AKAP14: variants seen among roughly 807,000 people sequenced by gnomAD.
AKAP14 encodes A-kinase anchoring protein 14, also known as A-kinase anchor protein 14.
A neutral mutation model predicts 17.0 loss-of-function variants in AKAP14; 4 were observed. The observed-to-expected ratio is 0.23, with a 90% confidence interval of 0.12 to 0.54. The LOEUF is 0.54. AKAP14 is among the 20% of genes least tolerant of loss of function. The pLI is 0.95. For synonymous variants in AKAP14, 42 were observed against 51.3 expected (o/e 0.82, Z 0.77); for missense variants, 129 against 150.9 (o/e 0.85, Z 0.76).
At chrX:119,902,836 C>T (rs1273632572) in intron 2 of AKAP14, among the ~76,000 whole-genome samples, 10 of 111,274 alleles carry the variant, frequency 9.0e-5, no homozygotes, top group African/African-American at 2.3e-4. Context: ...GGATTACAGG[C>T]GCCCGCCACC....
chrX:119,916,160 G>A (rs194283), intron 5 of AKAP14, among the ~76,000 whole-genome samples: 7 of 108,622 alleles, frequency 6.4e-5, no homozygotes, highest in Non-Finnish European at 1.1e-4. Flanking sequence ...TTTTCCAAAA[G>A]TGCTTCTCAA....
chrX:119,911,628 G>A lies in AKAP14; in HGVS notation c.262-3071G>A, dbSNP rs543873817. Among the ~76,000 whole-genome samples, 12 of 111,405 alleles carry A rather than the reference G, an allele frequency of 1.1e-4. No homozygotes were observed. In the South Asian group the frequency reaches 3.8e-3, roughly 35 times the overall value. ...ATGACAACAGCTGGATCAAAAGCATGGTGTAAACATGGGGAATAGTGCTAG... is the reference window on the plus strand; with the variant it reads ...ATGACAACAGCTGGATCAAAAGCATAGTGTAAACATGGGGAATAGTGCTAG... On this transcript the variant is annotated intron_variant, in intron 4 of 6. Coordinates refer to ENST00000371431, the MANE Select transcript of AKAP14 (RefSeq NM_178813.6).
chrX:119,913,123 A>AAAAT (rs766878681), intron 4 of AKAP14, among the ~76,000 whole-genome samples: 32,157 of 97,606 alleles, frequency 0.33, 5,320 homozygotes, highest in African/African-American at 0.47. Context: ...CCTGGTCTCT[A>AAAAT]AAATAAATAA....
chrX:119,917,539 A>G (rs1265218247), intron 5 of AKAP14, among the ~76,000 whole-genome samples: 1 of 111,275 alleles, frequency 9.0e-6, no homozygotes, highest in Non-Finnish European at 1.9e-5. Context: ...CAGGAGGTGG[A>G]GGTTGCGGTG....
At chrX:119,898,890 C>T (rs143622796) in intron 2 of AKAP14, among the ~76,000 whole-genome samples, 2,099 of 107,271 alleles carry the variant, frequency 0.02, 63 homozygotes, top group African/African-American at 0.067. Flanking sequence ...AGAATAAGGC[C>T]AGGCGCGATG....
At chrX:119,904,540 CTAAGAGT>C (rs1395338804) in intron 4 of AKAP14, among the ~76,000 whole-genome samples, 1 of 111,492 alleles carries the variant, frequency 9.0e-6, no homozygotes, top group Non-Finnish European at 1.9e-5. Flanking sequence ...TCATTTGAGC[CTAAGAGT>C]TTGAGACAGC....
At position 119,911,709 on chromosome X, in the gene AKAP14, GT is replaced by G. The variant is rs762786160; in HGVS notation, c.262-2977del. ...TTGAGAAAAGTGTGACATGAAACTT[GT>G]TTTTTTTTTTTTCTGAGACAAGGAG... On this transcript the variant is annotated intron_variant, in intron 4 of 6. Transcript: ENST00000371431. 3.2e-3 allele frequency among the ~76,000 whole-genome samples: 332 copies of G among 103,364 alleles called. 3 individuals carry two copies. Among genetic ancestry groups the G allele is most frequent in the African/African-American group, 5.2e-3 (151 of 28,948 alleles). The allele number at this position is 103,364 out of a possible 115,157, so 89.8% of individuals were successfully genotyped here.
At position 119,903,434 on chromosome X, in the gene AKAP14, A is replaced by G. The variant is rs755341205; in HGVS notation, c.169+42A>G. 3 of 1,210,863 alleles carry G rather than the reference A, an allele frequency of 2.5e-6. No individual in the cohort carries two copies. In the South Asian group the frequency reaches 5.3e-5, roughly 21 times the overall value. ...TTTGGATGCCTAAATAATTGTCTAT[A>G]TAGTCTAAATATAGCACCACACTAC... On this transcript the variant is annotated intron_variant, in intron 3 of 6. Coordinates refer to ENST00000371431, the MANE Select transcript of AKAP14 (RefSeq NM_178813.6).
chrX:119,907,880 A>C (rs759476025), intron 4 of AKAP14, among the ~76,000 whole-genome samples: 1 of 112,313 alleles, frequency 8.9e-6, no homozygotes, highest in Non-Finnish European at 1.9e-5. Flanking sequence ...ACCCAGGAAA[A>C]GTACTTTTGG....
chrX:119,907,562 A>G (rs2056604757), intron 4 of AKAP14, among the ~76,000 whole-genome samples: 1 of 110,964 alleles, frequency 9.0e-6, no homozygotes, highest in Admixed American at 9.7e-5. Flanking sequence ...GGCTCAAGTG[A>G]TCCTCCTGCC....
At position 119,903,526 on chromosome X, in the gene AKAP14, G is replaced by T; in HGVS notation, c.201G>T (p.Trp67Cys). The change falls in exon 4 of 7, where the codon TGG becomes TGT. Residue 67 changes from tryptophan to cysteine, a missense_variant. Trp to Cys is a radical substitution (Grantham distance 215, BLOSUM62 -2). Coordinates refer to ENST00000371431, the MANE Select transcript of AKAP14 (RefSeq NM_178813.6). The stretch of plus-strand genomic sequence containing the variant: ...GAAACCCTTTGAAAAACATCAAGTG[G>T]ATGACTCACGGTGAATTCACTGTGG... ...EERNPLKNIK[W>C]MTHGEFTVEK... The T allele has an allele frequency of 1.7e-6, 2 of 1,211,659 alleles. No individual in the cohort carries two copies. The highest frequency in any genetic ancestry group is 2.2e-5 in the Admixed American group (1 of 45,912).
Position 119,919,928 on chromosome X carries a change from T to C in AKAP14, c.459T>C (p.Val153=), listed in dbSNP as rs1240951155. 8.3e-7 allele frequency: 1 copy of C among 1,208,799 alleles called. No homozygotes were observed. The highest frequency in any genetic ancestry group is 1.8e-5 in the African/African-American group (1 of 57,055). ...KTKPPDAPIV[V]SYVGDHQALV... ...TTTTTTAGGATGCACCCATTGTTGTTTCTTATGTAGGTGACCACCAAGCAT... is the reference window on the plus strand; with the variant it reads ...TTTTTTAGGATGCACCCATTGTTGTCTCTTATGTAGGTGACCACCAAGCAT... Residue 153 remains valine (V), a synonymous_variant, in exon 6 of 7, where the codon GTT becomes GTC. Coordinates refer to ENST00000371431, the MANE Select transcript of AKAP14 (RefSeq NM_178813.6).
At chrX:119,903,898 A>C (rs1368865289) in intron 4 of AKAP14, among the ~76,000 whole-genome samples, 1 of 111,641 alleles carries the variant, frequency 9.0e-6, no homozygotes, top group Non-Finnish European at 1.9e-5. Flanking sequence ...CTAGTGGCCT[A>C]AGGAGGGAGA....
At chrX:119,920,249 T>G (rs980330173) in intron 6 of AKAP14, among the ~76,000 whole-genome samples, 1 of 111,463 alleles carries the variant, frequency 9.0e-6, no homozygotes, top group Non-Finnish European at 1.9e-5. Flanking sequence ...TAAAATTAAC[T>G]CATGTATAAT....
chrX:119,904,191 GC>G (rs759415759), intron 4 of AKAP14, among the ~76,000 whole-genome samples: 117 of 111,742 alleles, frequency 1.0e-3, no homozygotes, highest in African/African-American at 3.6e-3. Context: ...TCCTGCCTTG[GC>G]CTCCCAAAGT....
chrX:119,904,209 A>T (rs2056584685), intron 4 of AKAP14, among the ~76,000 whole-genome samples: 1 of 111,802 alleles, frequency 8.9e-6, no homozygotes, highest in Admixed American at 9.6e-5. Flanking sequence ...AAGTGCTGGG[A>T]TTACAGGTGT....
At chrX:119,910,403 C>T (rs2056621429) in intron 4 of AKAP14, among the ~76,000 whole-genome samples, 1 of 111,501 alleles carries the variant, frequency 9.0e-6, no homozygotes, top group African/African-American at 3.3e-5. Flanking sequence ...CTTCTGTGAA[C>T]CTTCATCTTA....
intron 5 of AKAP14, among the ~76,000 whole-genome samples, chrX:119,918,698 T>A (rs1384009823): frequency 1.8e-5 from 2 of 112,422 alleles, no homozygotes; most frequent in African/African-American, 6.4e-5. Context: ...ATAAGAAATA[T>A]GTTAACTTGA....
chrX:119,897,010 A>G (rs2056532306), intron 2 of AKAP14, among the ~76,000 whole-genome samples: 1 of 108,839 alleles, frequency 9.2e-6, no homozygotes, highest in African/African-American at 3.3e-5. Context: ...GGATTTTGCC[A>G]TGTTGGCCAG....
Sources: gnomAD v4.1 joint callset for allele counts (sites outside exome capture counted in the v4.1 genomes callset) on GRCh38, gnomAD v4.1.1 for gene constraint, MANE v1.5 for transcripts, NCBI Gene and HGNC (gene_info 2026-07-23, HGNC 2026-07-21) for gene names.